MED15: variants seen among roughly 807,000 people sequenced by gnomAD.
MED15 encodes the protein mediator complex subunit 15, also known as mediator of RNA polymerase II transcription subunit 15.
A neutral mutation model predicts 118.7 loss-of-function variants in MED15; 41 were observed. The observed-to-expected ratio is 0.35, with a 90% CI of 0.27 to 0.45. The LOEUF (loss-of-function observed/expected upper bound fraction) is 0.45. Among genes scored for constraint, MED15 ranks in the 20% least tolerant of loss-of-function variants. MED15 has a pLI of 1.00. For synonymous variants in MED15, 436 were observed against 413.9 expected (o/e 1.05, Z -0.65); for missense variants, 740 against 1,025.5 (o/e 0.72, Z 3.80).
chr22:20,508,871 A>C (rs899126208), intron 1 of MED15, among the ~76,000 whole-genome samples: 1 of 152,202 alleles, frequency 6.6e-6, no homozygotes, highest in African/African-American at 2.4e-5. Context: ...TGTGCTCGCC[A>C]CAGATTTGCC....
At chr22:20,568,800 G>A (rs1569233762) in intron 8 of MED15, among the ~76,000 whole-genome samples, 169 bp downstream of exon 8, 2 of 152,184 alleles carry the variant, frequency 1.3e-5, no homozygotes, top group Non-Finnish European at 2.9e-5. Flanking sequence ...GAGTCCTTGG[G>A]GTGGGCAGCT....
At chr22:20,564,352 G>C (rs1365536010) in intron 5 of MED15, 98 bp from the exon 6 acceptor site, 1 of 1,545,478 alleles carries the variant, frequency 6.5e-7, no homozygotes, top group Non-Finnish European at 8.7e-7. Context: ...CCGTGGCAGT[G>C]GGGCTTTTGC....
chr22:20,543,561 T>G (rs186385740), intron 2 of MED15, among the ~76,000 whole-genome samples: 1 of 149,330 alleles, frequency 6.7e-6, no homozygotes, highest in Non-Finnish European at 1.5e-5. Flanking sequence ...GCTGAGTCCT[T>G]TTTTTTATTT....
intron 9 of MED15, among the ~76,000 whole-genome samples, chr22:20,581,297 G>A (rs1216020374): frequency 6.6e-6 from 1 of 152,208 alleles, no homozygotes; most frequent in Non-Finnish European, 1.5e-5. Context: ...GCTGCCTGGT[G>A]GGGTGGTGAG....
Position 20,531,271 on chromosome 22 carries a change from T to G in MED15, c.69-5846T>G, listed in dbSNP as rs184955551. 3.2e-4 allele frequency among the ~76,000 whole-genome samples: 49 copies of G among 152,280 alleles called. No individual in the cohort carries two copies. The East Asian group carries it at 6.8e-3, about 21-fold the overall frequency. ...GGACTCCTGTTGCCAGTTTCTCAAT[T>G]TGGAATAGGAAGGAGGTGAGGAACA... On this transcript the variant is annotated intron_variant, in intron 1 of 17. Coordinates refer to ENST00000263205, the MANE Select transcript of MED15 (RefSeq NM_001003891.3).
In MED15 at chr22:20,583,162, G is replaced by T. The variant is rs753532771; in HGVS notation, c.1587G>T (p.Glu529Asp). ...MSPAGSSQAE[E>D]QQYLDKLKQL... ...CAGCTGGCTCCAGCCAGGCTGAGGA[G>T]CAGCAGTACCTGGACAAGCTGAAGC... is the stretch of plus-strand genomic sequence containing the variant. Residue 529 changes from glutamate (E) to aspartate (D), a missense_variant, in exon 12 of 18, where the codon GAG becomes GAT. Physicochemically the swap from Glu to Asp is conservative, Grantham distance 45. Coordinates refer to ENST00000263205, the MANE Select transcript of MED15 (RefSeq NM_001003891.3). 1.9e-6 allele frequency: 3 copies of T among 1,609,324 alleles called. No individual in the cohort carries two copies. The highest frequency in any genetic ancestry group is 2.5e-6 in the Non-Finnish European group (3 of 1,178,194).
intron 2 of MED15, among the ~76,000 whole-genome samples, chr22:20,546,970 A>G (rs532611916): frequency 1.3e-5 from 2 of 152,316 alleles, no homozygotes; most frequent in South Asian, 2.1e-4. Context: ...TGTTTTTGAA[A>G]TAACAGCAAC....
chr22:20,585,152 G>A lies in MED15; in HGVS notation c.2016G>A (p.Gln672=). The stretch of plus-strand genomic sequence containing the variant: ...GCAGGCTTGAGGATGATGAGCGGCA[G>A]AGCATCCCCAGTGTGCTCCAGGGTG... ...RKRRLEDDER[Q]SIPSVLQGEV... Residue 672 remains glutamine, a synonymous_variant, in exon 16 of 18, where the codon CAG becomes CAA. Coordinates refer to ENST00000263205, the MANE Select transcript of MED15 (RefSeq NM_001003891.3). 2 of 1,613,762 alleles carry A rather than the reference G, an allele frequency of 1.2e-6. No homozygotes were observed. The highest frequency in any genetic ancestry group is 1.7e-6 in the Non-Finnish European group (2 of 1,180,006).
At chr22:20,560,474 A>G (rs9620244) in intron 5 of MED15, among the ~76,000 whole-genome samples, 8,896 of 152,184 alleles carry the variant, frequency 0.058, 844 homozygotes, top group African/African-American at 0.2. Context: ...CATGTTGGCC[A>G]GGATGTTCTC....
rs192597058 is a variant in MED15 at position 20,565,084 on chromosome 22, C to T, written c.690+396C>T. Among the ~76,000 whole-genome samples the T allele has an allele frequency of 1.6e-3, 251 of 152,310 alleles. 1 individual carries two copies. The highest frequency in any genetic ancestry group is 5.4e-3 in the African/African-American group (225 of 41,562). ...AGGTTGCAGTGAGCCGAGATCGCGC[C>T]GCTGCGCTCCAGCCTGGGCAGCAGT... On this transcript the variant is annotated intron_variant, in intron 6 of 17. Transcript: ENST00000263205.
chr22:20,535,832 T>A (rs2055053514), intron 1 of MED15, among the ~76,000 whole-genome samples: 1 of 151,300 alleles, frequency 6.6e-6, no homozygotes. Flanking sequence ...GTGCTGGGAC[T>A]ACAGGCGTGA....
chr22:20,570,746 C>CTTTTTTTTTTTT lies in MED15; in HGVS notation c.1152+2134_1152+2145dup, dbSNP rs61109389. Among the ~76,000 whole-genome samples the CTTTTTTTTTTTT allele has an allele frequency of 1.6e-3, 99 of 62,116 alleles. 1 individual carries two copies. The highest frequency in any genetic ancestry group is 1.8e-3 in the Non-Finnish European group (64 of 36,440). The allele number at this position is 62,116 out of a possible 152,430, so 40.8% of individuals were successfully genotyped here. A position where few individuals can be genotyped will look rare whatever the true frequency, so the allele number is the denominator to read the frequency against. On this transcript the variant is annotated intron_variant, in intron 8 of 17. Coordinates refer to ENST00000263205, the MANE Select transcript of MED15 (RefSeq NM_001003891.3). ...TTTTCTTTTCTTTCTTTCTTTCTTT[C>CTTTTTTTTTTTT]TTTTTTTTTTTTTTTTTTTTTTTTT...
rs185909927 is a variant in MED15, at chr22:20,582,536, G to A, written c.1273-75G>A. 4.8e-5 allele frequency: 74 copies of A among 1,532,616 alleles called. No homozygotes were observed. In the East Asian group the frequency reaches 6.6e-4, roughly 14 times the overall value. 94.9% of individuals were successfully genotyped at this position (1,532,616 alleles called of 1,614,324 possible). A position where few individuals can be genotyped will look rare whatever the true frequency, so the allele number is the denominator to read the frequency against. Reference sequence around the variant, plus strand: ...GCTGTGCGGGAGGATGGGCCTATGCGTGCGGTGGGCAGGTGGTGTGGAGGC... The same window carrying A: ...GCTGTGCGGGAGGATGGGCCTATGCATGCGGTGGGCAGGTGGTGTGGAGGC... On this transcript the variant is annotated intron_variant, in intron 9 of 17. Transcript: ENST00000263205.
Position 20,586,740 on chromosome 22 carries a change from GC to G in MED15, c.*38del. ...AGGGATGGCCCGCAGCCTCATCGGGGCCAAGGACACACGCCTCCTGTCAGAC... is the reference window on the plus strand; with the variant it reads ...AGGGATGGCCCGCAGCCTCATCGGGGCAAGGACACACGCCTCCTGTCAGAC... On this transcript the variant is annotated 3_prime_UTR_variant, in exon 18 of 18. Transcript: ENST00000263205. The G allele has an allele frequency of 6.2e-7, 1 of 1,607,852 alleles. No homozygotes were observed. The highest frequency in any genetic ancestry group is 8.5e-7 in the Non-Finnish European group (1 of 1,178,484).
chr22:20,537,405 G>A (rs1031304857), intron 2 of MED15, among the ~76,000 whole-genome samples: 1 of 152,174 alleles, frequency 6.6e-6, no homozygotes, highest in African/African-American at 2.4e-5. Flanking sequence ...CACTTGGGTT[G>A]CAGGCCCAGC....
At chr22:20,559,491 T>C (rs1049183366) in intron 5 of MED15, among the ~76,000 whole-genome samples, 3 of 152,016 alleles carry the variant, frequency 2.0e-5, no homozygotes, top group African/African-American at 7.3e-5. Context: ...ATGGAGAGAA[T>C]GGAAGAAAAC....
At position 20,583,101 on chromosome 22, in the gene MED15, T is replaced by A. The variant is rs760907487; in HGVS notation, c.1538-12T>A. Reference sequence around the variant, plus strand: ...GTCGAGGGCTGTGGCCTCACCCGCCTGTGTCCTGCAGTGAACCCCAGCTCT... The same window carrying A: ...GTCGAGGGCTGTGGCCTCACCCGCCAGTGTCCTGCAGTGAACCCCAGCTCT... On this transcript the variant is annotated splice_polypyrimidine_tract_variant and intron_variant, in intron 11 of 17. Coordinates refer to ENST00000263205, the MANE Select transcript of MED15 (RefSeq NM_001003891.3). The A allele has an allele frequency of 8.2e-6, 13 of 1,578,842 alleles. No individual in the cohort carries two copies. In the East Asian group the frequency reaches 2.9e-4, roughly 36 times the overall value.
chr22:20,508,004 TC>T, intron 1 of MED15: 1 of 1,420,970 alleles, frequency 7.0e-7, no homozygotes, highest in East Asian at 2.6e-5. Context: ...GCTTTCTCAT[TC>T]GTCATTTGTG....
intron 1 of MED15, among the ~76,000 whole-genome samples, chr22:20,520,581 C>T (rs1232647355): frequency 1.3e-5 from 2 of 152,192 alleles, no homozygotes; most frequent in Admixed American, 6.5e-5. Context: ...GGTATAATCC[C>T]TATCACAGTG....
Sources: allele counts gnomAD v4.1 joint callset (sites outside exome capture counted in the v4.1 genomes callset), GRCh38; gene constraint gnomAD v4.1.1; transcripts MANE v1.5; gene names NCBI Gene and HGNC (gene_info 2026-07-23, HGNC 2026-07-21).